The following ZNF341 variants were observed in gnomAD, a reference collection of about 807,000 sequenced individuals.
ZNF341 encodes zinc finger protein 341.
A neutral mutation model predicts 87.7 loss-of-function variants in ZNF341; 52 were observed. That is an observed-to-expected ratio of 0.59 (90% CI 0.47 to 0.75). The LOEUF is 0.75. ZNF341 is among the 30% of genes least tolerant of loss of function. ZNF341 has a pLI of 0.00. For synonymous variants in ZNF341, 459 were observed against 472.7 expected (o/e 0.97, Z 0.38); for missense variants, 977 against 1,145.9 (o/e 0.85, Z 2.13).
intron 8 of ZNF341, among the ~76,000 whole-genome samples, chr20:33,764,561 ATTTTTTTTTT>A (rs1164096634): frequency 7.7e-4 from 22 of 28,396 alleles, no homozygotes; most frequent in African/African-American, 2.0e-3. Context: ...ATATATATAT[ATTTTTTTTTT>A]TTTTTTTTTT....
chr20:33,750,306 A>C (rs2019026287), intron 4 of ZNF341, among the ~76,000 whole-genome samples: 1 of 152,108 alleles, frequency 6.6e-6, no homozygotes, highest in Non-Finnish European at 1.5e-5. Context: ...CCTAAGGTGG[A>C]GGTGTTTTAC....
chr20:33,771,240 AT>A (rs2019526586), intron 10 of ZNF341, among the ~76,000 whole-genome samples: 1 of 152,048 alleles, frequency 6.6e-6, no homozygotes, highest in Admixed American at 6.6e-5. Context: ...CTATATGCTG[AT>A]TCCTATTTTT....
intron 7 of ZNF341, among the ~76,000 whole-genome samples, chr20:33,759,073 G>A (rs985083806): frequency 4.6e-5 from 7 of 152,106 alleles, no homozygotes; most frequent in African/African-American, 1.7e-4. Flanking sequence ...GAACCCAGAG[G>A]GGTTTCACAG....
intron 10 of ZNF341, among the ~76,000 whole-genome samples, chr20:33,774,117 TAAAAA>T (rs60445142): frequency 2.0e-5 from 2 of 100,088 alleles, no homozygotes; most frequent in African/African-American, 4.1e-5. Flanking sequence ...CTGTCTCTAC[TAAAAA>T]AAAAAAAAAA....
intron 12 of ZNF341, among the ~76,000 whole-genome samples, chr20:33,785,054 T>C (rs962206090): frequency 6.6e-6 from 1 of 152,212 alleles, no homozygotes; most frequent in Non-Finnish European, 1.5e-5. Context: ...TATTAATCTT[T>C]AGATTTTTTT....
chr20:33,773,405 G>C (rs373170246), intron 10 of ZNF341, among the ~76,000 whole-genome samples: 2 of 152,154 alleles, frequency 1.3e-5, no homozygotes, highest in African/African-American at 2.4e-5. Flanking sequence ...CCAAAAGTAA[G>C]GCCCAATGAG....
chr20:33,786,069 T>C (rs922275288), intron 12 of ZNF341, among the ~76,000 whole-genome samples: 2 of 140,108 alleles, frequency 1.4e-5, no homozygotes, highest in African/African-American at 5.4e-5. Flanking sequence ...AATGGCACGA[T>C]CTTGGTTCAC....
At chr20:33,765,948 T>C (rs1568947540) in intron 8 of ZNF341, among the ~76,000 whole-genome samples, 1 of 152,172 alleles carries the variant, frequency 6.6e-6, no homozygotes, top group African/African-American at 2.4e-5. Context: ...AATGGCGCAA[T>C]ATTGGCTCAC....
intron 12 of ZNF341, among the ~76,000 whole-genome samples, chr20:33,785,482 C>T (rs1257094343): frequency 2.0e-5 from 3 of 152,034 alleles, no homozygotes; most frequent in Admixed American, 6.6e-5. Context: ...GGATTACAGG[C>T]GCCCACCACA....
intron 4 of ZNF341, among the ~76,000 whole-genome samples, chr20:33,752,884 C>T (rs1446560375): frequency 3.3e-5 from 5 of 150,710 alleles, no homozygotes; most frequent in East Asian, 3.9e-4. Context: ...CTCCTGACCT[C>T]GTGATCCGCC....
At chr20:33,790,860 G>A (rs2019997526) in intron 14 of ZNF341, 128 bp from the exon 15 acceptor site, 3 of 1,142,074 alleles carry the variant, frequency 2.6e-6, no homozygotes, top group Admixed American at 2.8e-5. Context: ...GACGACGAGG[G>A]TGGAGAGAGC....
At chr20:33,737,409 C>T (rs1381236424) in intron 1 of ZNF341, among the ~76,000 whole-genome samples, 2 of 152,218 alleles carry the variant, frequency 1.3e-5, no homozygotes, top group Non-Finnish European at 2.9e-5. Context: ...GCAACCTCCG[C>T]CTCCTGGGTT....
At chr20:33,739,560 C>T (rs1198938838) in intron 1 of ZNF341, among the ~76,000 whole-genome samples, 1 of 152,206 alleles carries the variant, frequency 6.6e-6, no homozygotes, top group African/African-American at 2.4e-5. Context: ...GCCACCAATT[C>T]AGAGTCTATT....
Position 33,748,326 on chromosome 20 carries a change from T to C in ZNF341, c.340-597T>C, listed in dbSNP as rs564561722. Among the ~76,000 whole-genome samples the C allele has an allele frequency of 2.4e-3, 363 of 152,280 alleles. 3 individuals carry two copies. Among genetic ancestry groups the C allele is most frequent in the African/African-American group, 8.2e-3 (340 of 41,564 alleles). On this transcript the variant is annotated intron_variant, in intron 3 of 14. Coordinates refer to ENST00000375200, the MANE Select transcript of ZNF341 (RefSeq NM_001282933.2). The stretch of plus-strand genomic sequence containing the variant: ...ACCTCGTGATCTGCCCGCCTCAGCC[T>C]CCCAAAGTGCTGGGATTACAGGCGT...
At chr20:33,773,251 A>G (rs1045835587) in intron 10 of ZNF341, among the ~76,000 whole-genome samples, 1 of 152,148 alleles carries the variant, frequency 6.6e-6, no homozygotes, top group Non-Finnish European at 1.5e-5. Context: ...TTCGAACCCT[A>G]GTGTGAGATC....
chr20:33,779,613 G>C (rs538142327), intron 10 of ZNF341, among the ~76,000 whole-genome samples: 3 of 152,138 alleles, frequency 2.0e-5, no homozygotes, highest in East Asian at 1.9e-4. Flanking sequence ...ACCACGCCTG[G>C]CTAATGTTTG....
intron 9 of ZNF341, among the ~76,000 whole-genome samples, chr20:33,769,839 A>G (rs1354254388): frequency 2.6e-5 from 4 of 152,228 alleles, no homozygotes; most frequent in Non-Finnish European, 5.9e-5. Flanking sequence ...TGAACCTGTG[A>G]AGTGGAGGTT....
intron 1 of ZNF341, among the ~76,000 whole-genome samples, chr20:33,737,268 A>G (rs2122627168): frequency 6.6e-6 from 1 of 152,310 alleles, no homozygotes; most frequent in South Asian, 2.1e-4. Flanking sequence ...TACTCAAATC[A>G]GCCTCCTAGA....
chr20:33,733,901 A>G (rs766391180), intron 1 of ZNF341, among the ~76,000 whole-genome samples: 10 of 152,240 alleles, frequency 6.6e-5, no homozygotes, highest in African/African-American at 2.2e-4. Flanking sequence ...GGCCATTCCT[A>G]CTGTGAATAA....
Sources: gnomAD v4.1 joint callset for allele counts (sites outside exome capture counted in the v4.1 genomes callset) on GRCh38, gnomAD v4.1.1 for gene constraint, MANE v1.5 for transcripts, NCBI Gene and HGNC (gene_info 2026-07-23, HGNC 2026-07-21) for gene names.